Variants in CUL4A observed in about 807,000 individuals in gnomAD.
The protein encoded by CUL4A is cullin-4A.
Under a neutral mutation model 95.5 loss-of-function variants are expected in CUL4A, and 16 were observed. The observed-to-expected ratio is 0.17, with a 90% CI of 0.11 to 0.25. The LOEUF is 0.25. Ranked by LOEUF, CUL4A falls within the 10% of genes least tolerant of loss-of-function variation. The pLI is 1.00. For synonymous variants in CUL4A, 380 were observed against 353.1 expected (o/e 1.08, Z -0.85); for missense variants, 610 against 937.0 (o/e 0.65, Z 4.56).
At chr13:113,243,340 C>G (rs567752949) in intron 11 of CUL4A, among the ~76,000 whole-genome samples, 180 bp downstream of exon 11, 2 of 151,928 alleles carry the variant, frequency 1.3e-5, no homozygotes, top group Non-Finnish European at 2.9e-5. Context: ...AACCGACACA[C>G]CTGCATGCAT....
At chr13:113,261,741 A>G (rs2042283212) in intron 19 of CUL4A, among the ~76,000 whole-genome samples, 1 of 149,930 alleles carries the variant, frequency 6.7e-6, no homozygotes, top group Non-Finnish European at 1.5e-5. Flanking sequence ...TCTCAGGGGT[A>G]GAGTGTGGCA....
intron 2 of CUL4A, among the ~76,000 whole-genome samples, chr13:113,211,299 T>C (rs1017313081): frequency 7.2e-5 from 11 of 152,272 alleles, no homozygotes; most frequent in African/African-American, 2.7e-4. Context: ...GTGATTGTAA[T>C]TTATTACCTA....
Position 113,232,068 on chromosome 13 carries a change from T to C in CUL4A, c.513-1109T>C, listed in dbSNP as rs867857575. Reference sequence around the variant, plus strand: ...CACTACCCGCCCACCACCATTACTGTCACCACTACCCGCCCACCACCATTA... The same window carrying C: ...CACTACCCGCCCACCACCATTACTGCCACCACTACCCGCCCACCACCATTA... On this transcript the variant is annotated intron_variant, in intron 5 of 19. Transcript: ENST00000375440. Among the ~76,000 whole-genome samples, 547 of 82,894 alleles carry C rather than the reference T, an allele frequency of 6.6e-3. 19 individuals are homozygous for C. Among genetic ancestry groups the C allele is most frequent in the African/African-American group, 0.023 (506 of 22,096 alleles). 54.4% of individuals were successfully genotyped at this position (82,894 alleles called of 152,430 possible).
At chr13:113,263,446 A>T in intron 19 of CUL4A, 41 bp from the exon 20 acceptor site, 1 of 1,247,938 alleles carries the variant, frequency 8.0e-7, no homozygotes, top group Non-Finnish European at 1.2e-6. Flanking sequence ...TTGTAAATTT[A>T]ATGCCATTGT....
In CUL4A at chr13:113,242,995, C is replaced by G. The variant is rs1157312546; in HGVS notation, c.1063C>G (p.Pro355Ala). Residue 355 changes from proline (P) to alanine (A), a missense_variant, in exon 11 of 20, where the codon CCT (proline) becomes GCT (alanine). By Grantham distance (27) the Pro-to-Ala change is conservative (BLOSUM62 -1). Coordinates refer to ENST00000375440, the MANE Select transcript of CUL4A (RefSeq NM_001008895.4). ...TTTTGGAACAGCGATCGTAATCAAT[C>G]CTGAGAAAGACAAAGACATGGTCCA... ...KTFGTAIVIN[P>A]EKDKDMVQDL... is the part of the protein sequence containing the mutation. 8.1e-6 allele frequency: 13 copies of G among 1,610,856 alleles called. No homozygotes were observed. The highest frequency in any genetic ancestry group is 1.3e-5 in the African/African-American group (1 of 74,864).
chr13:113,227,928 T>G, intron 3 of CUL4A, 48 bp from the exon 4 acceptor site: 1 of 1,088,416 alleles, frequency 9.2e-7, no homozygotes, highest in Non-Finnish European at 1.4e-6. Context: ...AAAAAGGTAA[T>G]AATTAAATTG....
chr13:113,253,841 TTA>T (rs1384999433), intron 16 of CUL4A, among the ~76,000 whole-genome samples: 2 of 152,222 alleles, frequency 1.3e-5, no homozygotes, highest in Non-Finnish European at 2.9e-5. Context: ...GAAACGGCAA[TTA>T]TATACACTAA....
intron 3 of CUL4A, among the ~76,000 whole-genome samples, chr13:113,222,969 A>G (rs2040955250): frequency 6.6e-6 from 1 of 152,104 alleles, no homozygotes; most frequent in Non-Finnish European, 1.5e-5. Context: ...TGAGAGGAGA[A>G]CCTGGAGAGT....
rs71101559 is a variant in CUL4A at position 113,260,203 on chromosome 13, C to CAAAAAAAAAA, written c.2032-397_2032-388dup. Among the ~76,000 whole-genome samples, 53 of 12,526 alleles carry CAAAAAAAAAA rather than the reference C, an allele frequency of 4.2e-3. 13 individuals carry two copies. Among genetic ancestry groups the CAAAAAAAAAA allele is most frequent in the South Asian group, 0.022 (3 of 134 alleles). The allele number at this position is 12,526 out of a possible 152,430, so 8.2% of individuals were successfully genotyped here. ...TGGGTGACAGAGTGAGACTCCGTCT[C>CAAAAAAAAAA]AAAAAAAAAAAAAAAACCATTTCCC... is the stretch of plus-strand genomic sequence containing the variant. On this transcript the variant is annotated intron_variant, in intron 18 of 19. Transcript: ENST00000375440.
intron 5 of CUL4A, chr13:113,229,806 T>A: frequency 2.1e-6 from 1 of 483,042 alleles, no homozygotes; most frequent in African/African-American, 2.0e-5. Flanking sequence ...GACTGGAGGT[T>A]GAGCCTGGAG....
intron 5 of CUL4A, 51 bp downstream of exon 5, chr13:113,229,570 T>C: frequency 6.8e-7 from 1 of 1,473,534 alleles, no homozygotes; most frequent in Non-Finnish European, 9.4e-7. Context: ...CTGATGCTTT[T>C]CGTCCCGTTT....
intron 2 of CUL4A, among the ~76,000 whole-genome samples, chr13:113,215,093 C>T (rs943406777): frequency 2.8e-5 from 4 of 143,362 alleles, no homozygotes; most frequent in Non-Finnish European, 6.0e-5. Context: ...GGTCGCGTCC[C>T]GTGTGGCTGT....
At chr13:113,214,932 C>T (rs1003600031) in intron 2 of CUL4A, among the ~76,000 whole-genome samples, 3 of 151,260 alleles carry the variant, frequency 2.0e-5, no homozygotes, top group African/African-American at 7.3e-5. Flanking sequence ...CTGTGGAGGT[C>T]GCTGTGTGAC....
At chr13:113,214,780 A>C (rs943784255) in intron 2 of CUL4A, among the ~76,000 whole-genome samples, 5 of 152,116 alleles carry the variant, frequency 3.3e-5, no homozygotes, top group African/African-American at 1.2e-4. Flanking sequence ...ATTAGGTGGC[A>C]TCCTTCCCTC....
In CUL4A at chr13:113,243,035, T is replaced by G; in HGVS notation, c.1103T>G (p.Phe368Cys). The G allele has an allele frequency of 6.2e-7, 1 of 1,614,184 alleles. No homozygotes were observed. Among genetic ancestry groups the G allele is most frequent in the East Asian group, 2.2e-5 (1 of 44,884 alleles). The stretch of plus-strand genomic sequence containing the variant: ...GACATGGTCCAAGACCTGTTGGACT[T>G]CAAGGACAAGGTGGACCACGTGATC... Reference protein sequence around the residue: ...DKDMVQDLLDFKDKVDHVIEV... With the variant: ...DKDMVQDLLDCKDKVDHVIEV... The change falls in exon 11 of 20, where the codon TTC becomes TGC. Residue 368 changes from phenylalanine (F) to cysteine (C), a missense_variant. Around this residue, in one of 10 missense-constraint regions of CUL4A, gnomAD observed 153 missense variants for 244.5 expected, o/e 0.63. Coordinates refer to ENST00000375440, the MANE Select transcript of CUL4A (RefSeq NM_001008895.4).
At chr13:113,256,926 GTTTTTTTTTTT>G (rs951070829) in intron 18 of CUL4A, among the ~76,000 whole-genome samples, 12 of 47,374 alleles carry the variant, frequency 2.5e-4, no homozygotes, top group African/African-American at 8.1e-4. Flanking sequence ...TTTTTTTTTC[GTTTTTTTTTTT>G]TTTTTTTTTT....
intron 15 of CUL4A, among the ~76,000 whole-genome samples, 173 bp downstream of exon 15, chr13:113,246,236 T>C (rs934149715): frequency 6.6e-6 from 1 of 152,252 alleles, no homozygotes; most frequent in Non-Finnish European, 1.5e-5. Flanking sequence ...ACCACTTTTG[T>C]CACCTTCTGT....
At chr13:113,212,644 G>T (rs2040493024) in intron 2 of CUL4A, among the ~76,000 whole-genome samples, 1 of 152,102 alleles carries the variant, frequency 6.6e-6, no homozygotes, top group Non-Finnish European at 1.5e-5. Context: ...AATTAGCCGG[G>T]CGTGGTGGCA....
chr13:113,231,959 A>G (rs1173754038), intron 5 of CUL4A, among the ~76,000 whole-genome samples: 1 of 149,934 alleles, frequency 6.7e-6, no homozygotes, highest in African/African-American at 2.5e-5. Context: ...CACTGCCACC[A>G]TAATATTATT....
Sources: gnomAD v4.1 joint callset for allele counts (sites outside exome capture counted in the v4.1 genomes callset) on GRCh38, gnomAD v4.1.1 for gene constraint, gnomAD v4.1.1 regional missense constraint, MANE v1.5 for transcripts, NCBI Gene and HGNC (gene_info 2026-07-23, HGNC 2026-07-21) for gene names.